Variants in CASR observed in about 807,000 individuals in gnomAD.
CASR encodes the protein calcium sensing receptor, also known as extracellular calcium-sensing receptor.
CASR carries 23 observed loss-of-function variants against 69.1 expected under a neutral mutation model. The ratio of observed to expected loss-of-function variants is 0.33; its 90% CI spans 0.24 to 0.47. The LOEUF is 0.47. Among genes scored for constraint, CASR ranks in the 20% least tolerant of loss-of-function variants. CASR has a pLI of 1.00. For missense variants in CASR, 924 were observed against 1,356.1 expected (o/e 0.68, Z 5.00); for synonymous variants, 541 against 544.7 (o/e 0.99, Z 0.10).
intron 1 of CASR, chr3:122,246,305 G>A (rs536858515): frequency 7.9e-5 from 12 of 151,154 alleles, no homozygotes; most frequent in South Asian, 4.2e-4. Context: ...GTTTGTTTTC[G>A]TGTTTATATC....
At chr3:122,202,342 G>A (rs924800248) in intron 1 of CASR, among the ~76,000 whole-genome samples, 7 of 152,122 alleles carry the variant, frequency 4.6e-5, no homozygotes, top group Admixed American at 2.6e-4. Flanking sequence ...CAGGCAGGGA[G>A]GTTGCAGTGA....
At chr3:122,266,520 C>G (rs1473892273) in intron 4 of CASR, among the ~76,000 whole-genome samples, 7 of 151,898 alleles carry the variant, frequency 4.6e-5, no homozygotes, top group Non-Finnish European at 2.9e-5. Context: ...AACTCCGCCT[C>G]CCAGGTTCAA....
At chr3:122,216,554 A>G (rs920204269) in intron 1 of CASR, among the ~76,000 whole-genome samples, 10 of 152,240 alleles carry the variant, frequency 6.6e-5, no homozygotes, top group Non-Finnish European at 1.3e-4. Flanking sequence ...AAGGTTTCTC[A>G]GAGTTCTTAT....
intron 1 of CASR, among the ~76,000 whole-genome samples, chr3:122,248,196 A>G (rs2074446642): frequency 6.6e-6 from 1 of 152,186 alleles, no homozygotes; most frequent in Non-Finnish European, 1.5e-5. Flanking sequence ...TACAGAAGGA[A>G]TGAAGTCTGA....
At chr3:122,266,861 G>T (rs908762653) in intron 4 of CASR, among the ~76,000 whole-genome samples, 1 of 152,056 alleles carries the variant, frequency 6.6e-6, no homozygotes, top group Non-Finnish European at 1.5e-5. Flanking sequence ...AAAATTAGCC[G>T]GGTGTGGTGG....
intron 2 of CASR, among the ~76,000 whole-genome samples, chr3:122,255,043 C>T (rs2074540640): frequency 6.7e-6 from 1 of 149,580 alleles, no homozygotes; most frequent in Non-Finnish European, 1.5e-5. Flanking sequence ...GCTAATATGT[C>T]TCATCAAATA....
rs568111619 is a variant in CASR at position 122,248,135 on chromosome 3, C to T, written c.-242-5813C>T. 2.0e-5 allele frequency among the ~76,000 whole-genome samples: 3 copies of T among 152,266 alleles called. No homozygotes were observed. In the South Asian group the frequency reaches 6.2e-4, roughly 32 times the overall value. ...GGTGACCGGGCAATTTGTGTTTCCCCCAGTGCCGAAAGAGGGCCCTCATTT... is the reference window on the plus strand; with the variant it reads ...GGTGACCGGGCAATTTGTGTTTCCCTCAGTGCCGAAAGAGGGCCCTCATTT... On this transcript the variant is annotated intron_variant, in intron 1 of 6. Coordinates refer to ENST00000639785, the MANE Select transcript of CASR (RefSeq NM_000388.4).
At chr3:122,245,188 G>T (rs1424250088) in intron 1 of CASR, among the ~76,000 whole-genome samples, 1 of 152,154 alleles carries the variant, frequency 6.6e-6, no homozygotes, top group African/African-American at 2.4e-5. Context: ...TAACGTGAAT[G>T]CTCCATAAAT....
At chr3:122,192,756 C>G (rs2073851399) in intron 1 of CASR, among the ~76,000 whole-genome samples, 1 of 152,132 alleles carries the variant, frequency 6.6e-6, no homozygotes, top group Non-Finnish European at 1.5e-5. Flanking sequence ...CCTAGAAAAT[C>G]TGATTAAGCG....
chr3:122,260,692 A>T lies in CASR; in HGVS notation c.493-836A>T, dbSNP rs1010883529. ...TACCCTAGAACTTAAAGTATAATAA[A>T]AAAAAAAAAAAAGTGGGTCTGGCCA... On this transcript the variant is annotated intron_variant, in intron 3 of 6. Transcript: ENST00000639785. 1.0e-4 allele frequency among the ~76,000 whole-genome samples: 8 copies of T among 79,772 alleles called. No individual in the cohort carries two copies. The South Asian group carries it at 1.7e-3, about 17-fold the overall frequency. 52.3% of individuals were successfully genotyped at this position (79,772 alleles called of 152,430 possible). A position where few individuals can be genotyped will look rare whatever the true frequency, so the allele number is the denominator to read the frequency against.
chr3:122,198,481 T>A (rs2073911611), intron 1 of CASR, among the ~76,000 whole-genome samples: 1 of 152,138 alleles, frequency 6.6e-6, no homozygotes, highest in Non-Finnish European at 1.5e-5. Context: ...CAGACCAGAA[T>A]GTATAATATG....
At chr3:122,273,968 T>A (rs116845949) in intron 4 of CASR, among the ~76,000 whole-genome samples, 1 of 152,188 alleles carries the variant, frequency 6.6e-6, no homozygotes, top group East Asian at 1.9e-4. Context: ...GGAACACATC[T>A]AGAACACCTC....
chr3:122,277,680 G>A (rs753530517), intron 5 of CASR, among the ~76,000 whole-genome samples: 31 of 152,132 alleles, frequency 2.0e-4, no homozygotes, highest in Non-Finnish European at 4.0e-4. Flanking sequence ...AGTCTAAATT[G>A]ATCAGCTATA....
chr3:122,185,382 T>C (rs895852054), intron 1 of CASR, among the ~76,000 whole-genome samples: 7 of 152,172 alleles, frequency 4.6e-5, no homozygotes. Context: ...TCTCTTGTCC[T>C]CAAATATTTT....
intron 1 of CASR, among the ~76,000 whole-genome samples, chr3:122,221,923 C>T (rs1446212381): frequency 6.6e-6 from 1 of 152,200 alleles, no homozygotes; most frequent in East Asian, 1.9e-4. Context: ...TAACTCCCAT[C>T]CTCTCCCATT....
intron 1 of CASR, among the ~76,000 whole-genome samples, chr3:122,233,497 G>A (rs981270450): frequency 6.6e-6 from 1 of 152,198 alleles, no homozygotes; most frequent in African/African-American, 2.4e-5. Flanking sequence ...GGGGAGTAGA[G>A]CTGGGAAGTA....
At chr3:122,196,739 A>G (rs1486154381) in intron 1 of CASR, among the ~76,000 whole-genome samples, 5 of 152,084 alleles carry the variant, frequency 3.3e-5, no homozygotes, top group African/African-American at 1.2e-4. Context: ...GGGTTTCACC[A>G]TGTTGCCCAG....
At chr3:122,213,325 C>G (rs1029420864) in intron 1 of CASR, among the ~76,000 whole-genome samples, 2 of 152,158 alleles carry the variant, frequency 1.3e-5, no homozygotes, top group South Asian at 2.1e-4. Context: ...CAAAATCTGT[C>G]TCCCTTTAAT....
At chr3:122,218,614 TAGA>T (rs34710605) in intron 1 of CASR, among the ~76,000 whole-genome samples, 107,955 of 149,640 alleles carry the variant, frequency 0.72, 39,144 homozygotes, top group Admixed American at 0.82. Flanking sequence ...ATAAAGGAGG[TAGA>T]AGAAGAAGAA....
Sources: gnomAD v4.1 joint callset for allele counts (sites outside exome capture counted in the v4.1 genomes callset) on GRCh38, gnomAD v4.1.1 for gene constraint, MANE v1.5 for transcripts, NCBI Gene and HGNC (gene_info 2026-07-23, HGNC 2026-07-21) for gene names.